Variants in NID1 observed in about 807,000 individuals in gnomAD.
The protein encoded by NID1 is nidogen-1.
NID1 carries 76 observed loss-of-function variants against 130.6 expected under a neutral mutation model. The ratio of observed to expected loss-of-function variants is 0.58; its 90% confidence interval spans 0.48 to 0.70. The LOEUF (loss-of-function observed/expected upper bound fraction) is 0.70, where lower values mean the gene tolerates loss of function less well. Ranked by LOEUF, NID1 falls within the 30% of genes least tolerant of loss-of-function variation. The pLI is 0.00. For missense variants in NID1, 1,517 were observed against 1,664.8 expected, an observed-to-expected ratio of 0.91 and a Z score of 1.54; for synonymous variants, 665 against 675.1, an observed-to-expected ratio of 0.98 and a Z score of 0.23.
rs367693963 is a variant in NID1 at position 236,017,894 on chromosome 1, T to C, written c.2129-621A>G. ...TTACAAGGACACAGAGACACATCTC[T>C]GGACTCTGAATACTGAGAGTCTCTG... On this transcript the variant is annotated intron_variant, in intron 9 of 19. Transcript: ENST00000264187. Among the ~76,000 whole-genome samples, 6 of 152,336 alleles carry C rather than the reference T, an allele frequency of 3.9e-5. No individual in the cohort carries two copies. In the East Asian group the frequency reaches 1.2e-3, roughly 29 times the overall value.
At chr1:235,997,855 A>G (rs996265930) in intron 12 of NID1, among the ~76,000 whole-genome samples, 3 of 151,784 alleles carry the variant, frequency 2.0e-5, no homozygotes, top group Admixed American at 2.0e-4. Flanking sequence ...TGATCCACCC[A>G]CCTCGGCCTC....
In NID1 at chr1:236,029,764, T is replaced by A. The variant is rs747428229; in HGVS notation, c.1538-14A>T. ...TGAACTCACCCCCTGAAAAACAAGA[T>A]GAGACTGTCACTTTGCTGACTGGGG... On this transcript the variant is annotated splice_polypyrimidine_tract_variant and intron_variant, in intron 6 of 19. Transcript: ENST00000264187. 1.2e-6 allele frequency: 2 copies of A among 1,613,128 alleles called. No homozygotes were observed. The highest frequency in any genetic ancestry group is 8.5e-7 in the Non-Finnish European group (1 of 1,179,262).
intron 15 of NID1, 77 bp downstream of exon 15, chr1:235,985,302 G>A (rs1657544291): frequency 2.0e-6 from 3 of 1,515,314 alleles, no homozygotes; most frequent in Non-Finnish European, 2.7e-6. Flanking sequence ...TTCATTTGCT[G>A]TTCTTCTCTG....
chr1:236,013,476 G>A lies in NID1; in HGVS notation c.2339C>T (p.Thr780Ile). Reference protein sequence around the residue: ...DIPQRAQCIYTGGSSYTCSCL... With the variant: ...DIPQRAQCIYIGGSSYTCSCL... ...GGAACAGGTGTAGGAGGAGCCTCCT[G>A]TGTAGATACACTGGGCCCGCTGGGG... is the stretch of plus-strand genomic sequence containing the variant. The change falls in exon 11 of 20, where the codon ACA becomes ATA. Residue 780 changes from threonine (T) to isoleucine (I), a missense_variant. By Grantham distance (89) the Thr-to-Ile change is moderately conservative. This residue lies in a region of NID1 where 1,329 missense variants were observed against 1,429.2 expected (regional missense o/e 0.93). Transcript: ENST00000264187. The A allele has an allele frequency of 6.2e-7, 1 of 1,614,144 alleles. No homozygotes were observed. The highest frequency in any genetic ancestry group is 1.1e-5 in the South Asian group (1 of 91,076).
chr1:236,031,673 G>T (rs1659106276), intron 6 of NID1, among the ~76,000 whole-genome samples: 1 of 152,146 alleles, frequency 6.6e-6, no homozygotes, highest in African/African-American at 2.4e-5. Flanking sequence ...TCCTGGAAGT[G>T]ACCAGCGATG....
intron 6 of NID1, among the ~76,000 whole-genome samples, chr1:236,030,074 A>G (rs151010736): frequency 6.6e-6 from 1 of 152,298 alleles, no homozygotes; most frequent in East Asian, 1.9e-4. Context: ...TGAGTAAGCT[A>G]CTTAACTCCT....
At chr1:235,995,669 G>A (rs562018365) in intron 12 of NID1, among the ~76,000 whole-genome samples, 2 of 152,276 alleles carry the variant, frequency 1.3e-5, no homozygotes, top group South Asian at 4.1e-4. Flanking sequence ...TCCCTGTCTG[G>A]TTAATCCTTC....
chr1:236,059,356 C>T (rs902464753), intron 1 of NID1, among the ~76,000 whole-genome samples: 3 of 152,158 alleles, frequency 2.0e-5, no homozygotes, highest in African/African-American at 7.2e-5. Flanking sequence ...AAGTCCGGGA[C>T]ACAATCAAGG....
intron 3 of NID1, among the ~76,000 whole-genome samples, chr1:236,042,967 T>C (rs1659497835): frequency 6.6e-6 from 1 of 152,178 alleles, no homozygotes; most frequent in Non-Finnish European, 1.5e-5. Context: ...CAAGGATCAG[T>C]GATTTAATCA....
chr1:236,013,789 G>A (rs992646814), intron 10 of NID1, among the ~76,000 whole-genome samples: 4 of 152,154 alleles, frequency 2.6e-5, no homozygotes, highest in African/African-American at 9.7e-5. Context: ...ACCGTGGTTT[G>A]TCATTCCACC....
chr1:235,977,685 A>G lies in NID1; in HGVS notation c.*182T>C. On this transcript the variant is annotated 3_prime_UTR_variant, in exon 20 of 20. Transcript: ENST00000264187. ...CTTGTGTAGGGGTGGAGACTTTTCT[A>G]TTAGAGAAGTCCAGGGTGCATGTTT... 1 of 616,620 alleles carries G rather than the reference A, an allele frequency of 1.6e-6. No individual in the cohort carries two copies. The highest frequency in any genetic ancestry group is 2.0e-5 in the South Asian group (1 of 51,156). 38.2% of individuals were successfully genotyped at this position (616,620 alleles called of 1,614,324 possible).
intron 4 of NID1, among the ~76,000 whole-genome samples, chr1:236,041,403 A>C (rs1053909529): frequency 1.3e-5 from 2 of 152,042 alleles, no homozygotes; most frequent in Non-Finnish European, 2.9e-5. Flanking sequence ...TGATATATAT[A>C]TATTTTTTAA....
At chr1:236,064,810 G>A (rs770569721) in intron 1 of NID1, 45 bp downstream of exon 1, 48 of 1,557,328 alleles carry the variant, frequency 3.1e-5, no homozygotes, top group Non-Finnish European at 4.1e-5. Context: ...CCCCCGGCCC[G>A]CCGCGCCCTG....
chr1:236,029,832 G>A, intron 6 of NID1, 82 bp from the exon 7 acceptor site: 3 of 1,389,132 alleles, frequency 2.2e-6, no homozygotes, highest in Non-Finnish European at 3.0e-6. Flanking sequence ...TGTGGAGTGG[G>A]GTTGGTGCGA....
rs188955602 is a variant in NID1, at chr1:236,000,965, C to G, written c.2528-7093G>C. 4.2e-4 allele frequency among the ~76,000 whole-genome samples: 64 copies of G among 152,224 alleles called. No homozygotes were observed. In the East Asian group the frequency reaches 0.01, roughly 24 times the overall value. On this transcript the variant is annotated intron_variant, in intron 12 of 19. Transcript: ENST00000264187. Reference sequence around the variant, plus strand: ...AAGGTGCTATTTATTCAGCATCTTCCTGCACAGAGTCCACGCCCCACTACA... The same window carrying G: ...AAGGTGCTATTTATTCAGCATCTTCGTGCACAGAGTCCACGCCCCACTACA...
In NID1 at chr1:236,054,229, G is replaced by T. The variant is rs1269805338; in HGVS notation, c.226-5240C>A. 3.9e-5 allele frequency among the ~76,000 whole-genome samples: 6 copies of T among 152,318 alleles called. No homozygotes were observed. In the South Asian group the frequency reaches 1.2e-3, roughly 32 times the overall value. On this transcript the variant is annotated intron_variant, in intron 1 of 19. Transcript: ENST00000264187. Reference sequence around the variant, plus strand: ...CCAGTATTTTGGGAGGCAAAGGCTGGCAGATCACCTGTGGTCAGGAGTTTG... The same window carrying T: ...CCAGTATTTTGGGAGGCAAAGGCTGTCAGATCACCTGTGGTCAGGAGTTTG...
chr1:236,034,627 C>T (rs1659199636), intron 5 of NID1, among the ~76,000 whole-genome samples: 1 of 152,028 alleles, frequency 6.6e-6, no homozygotes, highest in Non-Finnish European at 1.5e-5. Flanking sequence ...GGCTTGACAG[C>T]GGCTGGGGGC....
chr1:236,005,943 A>G (rs956539440), intron 12 of NID1, among the ~76,000 whole-genome samples: 1 of 152,334 alleles, frequency 6.6e-6, no homozygotes, highest in African/African-American at 2.4e-5. Flanking sequence ...ATTTATTATG[A>G]AAATATAGTT....
intron 12 of NID1, among the ~76,000 whole-genome samples, chr1:236,009,207 T>A (rs1658336836): frequency 6.6e-6 from 1 of 152,174 alleles, no homozygotes; most frequent in Non-Finnish European, 1.5e-5. Context: ...ATGGCCTTAG[T>A]GGTGCCCTTA....
Sources: gnomAD v4.1 joint callset for allele counts (sites outside exome capture counted in the v4.1 genomes callset) on GRCh38, gnomAD v4.1.1 for gene constraint, gnomAD v4.1.1 regional missense constraint, MANE v1.5 for transcripts, NCBI Gene and HGNC (gene_info 2026-07-23, HGNC 2026-07-21) for gene names.